Variants in GPC6 observed in about 807,000 individuals in gnomAD.
The protein encoded by GPC6 is glypican 6.
GPC6 carries 14 observed loss-of-function variants against 55.2 expected under a neutral mutation model. That is an observed-to-expected ratio of 0.25 (90% confidence interval 0.17 to 0.40). The LOEUF is 0.40. Among genes scored for constraint, GPC6 ranks in the 10% least tolerant of loss-of-function variants. GPC6 has a pLI of 1.00. For synonymous variants in GPC6, 278 were observed against 259.6 expected, an observed-to-expected ratio of 1.07 and a Z score of -0.68; for missense variants, 641 against 708.5, an observed-to-expected ratio of 0.90 and a Z score of 1.08.
intron 2 of GPC6, among the ~76,000 whole-genome samples, chr13:93,588,367 AGTGTGTGTGTGTGT>A (rs71123497): frequency 0.69 from 104,408 of 150,390 alleles, 40,066 homozygotes; most frequent in Non-Finnish European, 0.85. Context: ...GTGGCTATTA[AGTGTGTGTGTGTGT>A]GTGTGTGTGT....
At chr13:94,220,503 C>T (rs575088633) in intron 4 of GPC6, among the ~76,000 whole-genome samples, 23 of 152,052 alleles carry the variant, frequency 1.5e-4, no homozygotes, top group East Asian at 5.8e-4. Flanking sequence ...GAAACAGAGC[C>T]GATCTATTTT....
At chr13:94,249,292 T>C (rs1891283154) in intron 4 of GPC6, among the ~76,000 whole-genome samples, 1 of 152,154 alleles carries the variant, frequency 6.6e-6, no homozygotes, top group African/African-American at 2.4e-5. Flanking sequence ...TAATCACACA[T>C]CATTAGACCT....
chr13:93,984,711 G>C (rs974247949), intron 3 of GPC6, among the ~76,000 whole-genome samples: 1 of 152,116 alleles, frequency 6.6e-6, no homozygotes. Flanking sequence ...TAGTAACATA[G>C]GGGAAAAAGT....
chr13:94,133,239 T>C (rs1887063537), intron 4 of GPC6, among the ~76,000 whole-genome samples: 1 of 126,968 alleles, frequency 7.9e-6, no homozygotes. Flanking sequence ...AGCAAGTACA[T>C]GCCCACCATA....
intron 4 of GPC6, among the ~76,000 whole-genome samples, chr13:94,238,189 T>C (rs1890938698): frequency 6.6e-6 from 1 of 152,176 alleles, no homozygotes; most frequent in Non-Finnish European, 1.5e-5. Context: ...TGTCCTTCTA[T>C]TAATGTCAAG....
chr13:93,627,987 G>T (rs1879275635), intron 2 of GPC6, among the ~76,000 whole-genome samples: 1 of 152,140 alleles, frequency 6.6e-6, no homozygotes, highest in African/African-American at 2.4e-5. Context: ...TTTTAATGTT[G>T]TTATCTACAT....
At chr13:93,364,532 T>C (rs1420244690) in intron 1 of GPC6, among the ~76,000 whole-genome samples, 1 of 151,956 alleles carries the variant, frequency 6.6e-6, no homozygotes, top group Non-Finnish European at 1.5e-5. Flanking sequence ...AGGAGCATTT[T>C]TTTCCTTATT....
intron 3 of GPC6, among the ~76,000 whole-genome samples, chr13:93,940,629 T>C (rs997025344): frequency 6.6e-6 from 1 of 152,164 alleles, no homozygotes; most frequent in African/African-American, 2.4e-5. Flanking sequence ...ATGGAATGTG[T>C]GAACGTTGTT....
At chr13:93,677,254 T>TA (rs1460207572) in intron 2 of GPC6, among the ~76,000 whole-genome samples, 3 of 152,182 alleles carry the variant, frequency 2.0e-5, no homozygotes, top group Non-Finnish European at 4.4e-5. Context: ...TCTTGTTTCT[T>TA]ACATTTTTTG....
At chr13:94,220,532 G>A (rs904443312) in intron 4 of GPC6, among the ~76,000 whole-genome samples, 1 of 152,018 alleles carries the variant, frequency 6.6e-6, no homozygotes, top group Admixed American at 6.6e-5. Flanking sequence ...AAAAGACTCC[G>A]TAATACTTTG....
At chr13:94,326,578 C>G (rs538169527) in intron 6 of GPC6, among the ~76,000 whole-genome samples, 1 of 152,186 alleles carries the variant, frequency 6.6e-6, no homozygotes, top group South Asian at 2.1e-4. Context: ...AAAGTCTGCC[C>G]CCACGTAAAT....
At chr13:94,154,406 T>C (rs1887853571) in intron 4 of GPC6, 1 of 152,150 alleles carries the variant, frequency 6.6e-6, no homozygotes, top group Non-Finnish European at 1.5e-5. Flanking sequence ...ATCTTCAAGA[T>C]CTAAAACAAA....
At chr13:94,288,858 A>C (rs1874726983) in intron 5 of GPC6, among the ~76,000 whole-genome samples, 1 of 16,982 alleles carries the variant, frequency 5.9e-5, no homozygotes, top group African/African-American at 2.0e-4. Flanking sequence ...TATATAATAA[A>C]TATATATATT....
the GPC6 span, among the ~76,000 whole-genome samples, chr13:93,219,285 G>A: frequency 6.6e-6 from 1 of 151,858 alleles, no homozygotes; most frequent in Non-Finnish European, 1.5e-5. Context: ...GTAGAGATGG[G>A]GTTTCACCAT....
Position 94,292,423 on chromosome 13 carries a change from G to C in GPC6, c.1008+5944G>C, listed in dbSNP as rs1015692437. Among the ~76,000 whole-genome samples, 3 of 152,142 alleles carry C rather than the reference G, an allele frequency of 2.0e-5. No individual in the cohort carries two copies. The East Asian group carries it at 5.8e-4, about 29-fold the overall frequency. On this transcript the variant is annotated intron_variant, in intron 5 of 8. Transcript: ENST00000377047. ...AAGGAAAAGGTAGCAAAGCCAGGAC[G>C]ACCCAAGCTCCCTCCTGCCTGATTC...
intron 3 of GPC6, among the ~76,000 whole-genome samples, chr13:93,930,120 T>C (rs1878083525): frequency 6.6e-6 from 1 of 152,018 alleles, no homozygotes; most frequent in African/African-American, 2.4e-5. Flanking sequence ...TCTAATTCAT[T>C]TGGGAAAGTT....
At chr13:93,987,310 G>A (rs1362844365) in intron 3 of GPC6, among the ~76,000 whole-genome samples, 2 of 151,980 alleles carry the variant, frequency 1.3e-5, no homozygotes, top group South Asian at 2.1e-4. Flanking sequence ...CTTTATTCAA[G>A]GAATATTTAT....
chr13:93,747,731 C>CTCTA (rs1214488326), intron 2 of GPC6, among the ~76,000 whole-genome samples: 1 of 152,170 alleles, frequency 6.6e-6, no homozygotes, highest in Non-Finnish European at 1.5e-5. Context: ...TCTGAGCATG[C>CTCTA]TCTAGGTAGG....
chr13:93,312,910 C>A (rs1469171262), intron 1 of GPC6, among the ~76,000 whole-genome samples: 4 of 152,048 alleles, frequency 2.6e-5, no homozygotes, highest in Non-Finnish European at 5.9e-5. Flanking sequence ...CTGAAGCCAG[C>A]GCTGCCATGC....
Sources: gnomAD v4.1 joint callset for allele counts (sites outside exome capture counted in the v4.1 genomes callset) on GRCh38, gnomAD v4.1.1 for gene constraint, MANE v1.5 for transcripts, NCBI Gene and HGNC (gene_info 2026-07-23, HGNC 2026-07-21) for gene names.